MYO16: variants seen among roughly 807,000 people sequenced by gnomAD.
MYO16 encodes myosin XVI.
Under a neutral mutation model 205.3 loss-of-function variants are expected in MYO16, and 94 were observed. That is an observed-to-expected ratio of 0.46 (90% CI 0.39 to 0.54). The LOEUF (loss-of-function observed/expected upper bound fraction) is 0.54. Among genes scored for constraint, MYO16 ranks in the 20% least tolerant of loss-of-function variants. The probability of loss-of-function intolerance (pLI) is 0.00; values close to 1 mark genes in which losing one functional copy is unlikely to be tolerated. For missense variants in MYO16, 2,315 were observed against 2,387.5 expected, an observed-to-expected ratio of 0.97 and a Z score of 0.63; for synonymous variants, 988 against 954.0, an observed-to-expected ratio of 1.04 and a Z score of -0.66.
chr13:108,660,290 C>A (rs1193573853), intron 1 of MYO16, among the ~76,000 whole-genome samples: 2 of 152,122 alleles, frequency 1.3e-5, no homozygotes, highest in Non-Finnish European at 2.9e-5. Flanking sequence ...TGTCAGAAGT[C>A]CACTTGTTCC....
chr13:108,740,263 G>A (rs1884860198), intron 4 of MYO16, among the ~76,000 whole-genome samples: 1 of 152,130 alleles, frequency 6.6e-6, no homozygotes. Context: ...CCATCTTTGT[G>A]TTTTGTCTAC....
chr13:109,025,602 G>A (rs1594482194), intron 23 of MYO16, among the ~76,000 whole-genome samples: 1 of 152,116 alleles, frequency 6.6e-6, no homozygotes, highest in Non-Finnish European at 1.5e-5. Flanking sequence ...ACTTATAGGG[G>A]CTTCTCTTAA....
At chr13:108,811,595 T>C (rs1049860025) in intron 7 of MYO16, among the ~76,000 whole-genome samples, 2 of 151,824 alleles carry the variant, frequency 1.3e-5, no homozygotes, top group Non-Finnish European at 2.9e-5. Context: ...TCTGTTGCTC[T>C]TCTGTTTTGT....
chr13:108,575,183 C>T, the MYO16 span, among the ~76,000 whole-genome samples: 1 of 152,180 alleles, frequency 6.6e-6, no homozygotes, highest in Admixed American at 6.5e-5. Context: ...TTCCTGGGTT[C>T]ACTTCTGCAG....
intron 20 of MYO16, among the ~76,000 whole-genome samples, chr13:108,968,912 A>T (rs1220447595): frequency 6.6e-6 from 1 of 152,204 alleles, no homozygotes; most frequent in Non-Finnish European, 1.5e-5. Flanking sequence ...CTGAGGGAAT[A>T]AGTTGGTCTT....
At chr13:108,835,046 CTAAT>C (rs1876831417) in intron 9 of MYO16, among the ~76,000 whole-genome samples, 1 of 152,064 alleles carries the variant, frequency 6.6e-6, no homozygotes, top group African/African-American at 2.4e-5. Context: ...TAACGCATAA[CTAAT>C]TAATATACTG....
At chr13:108,501,215 G>A in the MYO16 span, among the ~76,000 whole-genome samples, 1 of 152,298 alleles carries the variant, frequency 6.6e-6, no homozygotes, top group African/African-American at 2.4e-5. Context: ...ATCTCTGTGT[G>A]TCTGGATTGG....
intron 16 of MYO16, among the ~76,000 whole-genome samples, chr13:108,953,296 T>C (rs1055640267): frequency 8.5e-5 from 13 of 152,230 alleles, no homozygotes; most frequent in Non-Finnish European, 1.2e-4. Context: ...ATGTTTATTT[T>C]ACTCGGCACA....
chr13:109,046,874 A>G (rs375945553), intron 23 of MYO16, 42 bp from the exon 24 acceptor site: 1 of 1,467,054 alleles, frequency 6.8e-7, no homozygotes, highest in South Asian at 1.2e-5. Flanking sequence ...TTTCACAGTC[A>G]TGTTGAATCA....
In MYO16 at chr13:108,786,300, G is replaced by A. The variant is rs143718311; in HGVS notation, c.616+557G>A. Among the ~76,000 whole-genome samples the A allele has an allele frequency of 2.1e-3, 325 of 152,290 alleles. 2 individuals are homozygous for A. The highest frequency in any genetic ancestry group is 7.6e-3 in the African/African-American group (315 of 41,562). Reference sequence around the variant, plus strand: ...GGCTGAGCCCCTAAATGCATTCACCGACAAAGGATGTTTAATTATACAGGT... The same window carrying A: ...GGCTGAGCCCCTAAATGCATTCACCAACAAAGGATGTTTAATTATACAGGT... On this transcript the variant is annotated intron_variant, in intron 5 of 34. Transcript: ENST00000457511.
intron 16 of MYO16, among the ~76,000 whole-genome samples, chr13:108,954,787 T>G (rs1474324299): frequency 3.9e-5 from 6 of 152,182 alleles, no homozygotes; most frequent in African/African-American, 1.4e-4. Context: ...GTTTATAGAT[T>G]GCAGACAGAA....
chr13:108,908,172 C>G (rs1462834937), intron 15 of MYO16, among the ~76,000 whole-genome samples: 1 of 152,170 alleles, frequency 6.6e-6, no homozygotes, highest in African/African-American at 2.4e-5. Context: ...CTGAGGTTTA[C>G]TGCTAATTCA....
intron 1 of MYO16, among the ~76,000 whole-genome samples, chr13:108,611,759 G>T (rs2139319104): frequency 6.6e-6 from 1 of 151,960 alleles, no homozygotes; most frequent in Non-Finnish European, 1.5e-5. Flanking sequence ...GAGAAGATAA[G>T]CTAGGGTACT....
chr13:109,206,463 A>C (rs964256563), intron 34 of MYO16, 146 bp from the exon 35 acceptor site: 15 of 626,962 alleles, frequency 2.4e-5, no homozygotes, highest in Non-Finnish European at 2.8e-6. Flanking sequence ...CTGTTTCCAG[A>C]GGCAGCAGTG....
chr13:108,604,735 C>T (rs963738895), intron 1 of MYO16, among the ~76,000 whole-genome samples: 29 of 152,002 alleles, frequency 1.9e-4, no homozygotes, highest in African/African-American at 2.7e-4. Context: ...ATTTATTTTA[C>T]GGAAGGGTTT....
At chr13:108,871,630 C>A (rs1352239568) in intron 12 of MYO16, among the ~76,000 whole-genome samples, 1 of 152,098 alleles carries the variant, frequency 6.6e-6, no homozygotes, top group African/African-American at 2.4e-5. Flanking sequence ...GGCTGATATT[C>A]ATTTGGCTTT....
At chr13:108,816,924 G>A (rs1429357234) in intron 7 of MYO16, among the ~76,000 whole-genome samples, 1 of 152,176 alleles carries the variant, frequency 6.6e-6, no homozygotes, top group East Asian at 1.9e-4. Context: ...AAATTATTGA[G>A]TAGACAATTC....
intron 2 of MYO16, among the ~76,000 whole-genome samples, chr13:108,703,502 G>A (rs1188810059): frequency 6.6e-6 from 1 of 152,064 alleles, no homozygotes; most frequent in Non-Finnish European, 1.5e-5. Flanking sequence ...CACAGCAATG[G>A]ATGGAGCTAG....
At chr13:109,116,522 G>T (rs1173245437) in intron 28 of MYO16, among the ~76,000 whole-genome samples, 10 of 152,070 alleles carry the variant, frequency 6.6e-5, no homozygotes, top group Non-Finnish European at 1.0e-4. Context: ...CTGACATGCA[G>T]ATCTGCCCTG....
Sources: allele counts gnomAD v4.1 joint callset (sites outside exome capture counted in the v4.1 genomes callset), GRCh38; gene constraint gnomAD v4.1.1; transcripts MANE v1.5; gene names NCBI Gene and HGNC (gene_info 2026-07-23, HGNC 2026-07-21).